PRSS23: variants seen among roughly 807,000 people sequenced by gnomAD.
The protein encoded by PRSS23 is serine protease 23.
PRSS23 carries 25 observed loss-of-function variants against 34.7 expected under a neutral mutation model. The observed-to-expected ratio is 0.72, with a 90% CI of 0.53 to 1.01. The LOEUF is 1.01. Among genes scored for constraint, PRSS23 ranks in the 50% least tolerant of loss-of-function variants. The probability of loss-of-function intolerance (pLI) is 0.00; values close to 1 mark genes in which losing one functional copy is unlikely to be tolerated. For synonymous variants in PRSS23, 176 were observed against 186.6 expected (o/e 0.94, Z 0.46); for missense variants, 445 against 475.6 (o/e 0.94, Z 0.60).
At chr11:86,939,424 AT>A (rs1949189842) in intron 2 of PRSS23, among the ~76,000 whole-genome samples, 1 of 84,002 alleles carries the variant, frequency 1.2e-5, no homozygotes, top group African/African-American at 3.6e-5. Context: ...ATATATATAT[AT>A]ATTTTTTAAC....
At chr11:86,820,033 A>C (rs1203209035) in intron 1 of PRSS23, among the ~76,000 whole-genome samples, 1 of 152,228 alleles carries the variant, frequency 6.6e-6, no homozygotes, top group African/African-American at 2.4e-5. Flanking sequence ...ATGTATAACT[A>C]TTCATCAACA....
At chr11:86,934,503 ATT>A (rs1949148167) in intron 2 of PRSS23, 1 of 151,838 alleles carries the variant, frequency 6.6e-6, no homozygotes, top group African/African-American at 2.4e-5. Context: ...CCACAAAAAC[ATT>A]TGTTTGTCTT....
intron 2 of PRSS23, among the ~76,000 whole-genome samples, chr11:86,927,997 C>T (rs1949092820): frequency 6.6e-6 from 1 of 151,696 alleles, no homozygotes; most frequent in African/African-American, 2.4e-5. Flanking sequence ...TTACAAGCTC[C>T]ATGTCCTTAA....
chr11:86,834,145 C>T (rs957645129), intron 2 of PRSS23, among the ~76,000 whole-genome samples: 1 of 152,190 alleles, frequency 6.6e-6, no homozygotes, highest in African/African-American at 2.4e-5. Flanking sequence ...TTCTTTGGCA[C>T]ACTTCACAGG....
intron 2 of PRSS23, among the ~76,000 whole-genome samples, chr11:86,913,000 G>A (rs922494753): frequency 2.0e-5 from 3 of 152,172 alleles, no homozygotes; most frequent in Admixed American, 1.3e-4. Flanking sequence ...TGAAATCTCT[G>A]TTTAGTTGTT....
intron 2 of PRSS23, among the ~76,000 whole-genome samples, chr11:86,939,426 A>ATATATATATATATATATATTT: frequency 1.1e-5 from 1 of 94,070 alleles, no homozygotes; most frequent in African/African-American, 3.3e-5. Flanking sequence ...ATATATATAT[A>ATATATATATATATATATATTT]TTTTTTAACA....
chr11:86,878,833 G>T (rs546332906), intron 2 of PRSS23, among the ~76,000 whole-genome samples: 2 of 151,680 alleles, frequency 1.3e-5, no homozygotes, highest in South Asian at 4.2e-4. Context: ...CCTCTTCCCT[G>T]CGGCCATCCC....
intron 2 of PRSS23, among the ~76,000 whole-genome samples, chr11:86,941,779 G>T (rs1266790266): frequency 6.6e-6 from 1 of 152,180 alleles, no homozygotes; most frequent in African/African-American, 2.4e-5. Flanking sequence ...TTTCTTGGGG[G>T]CTAGTGCCCT....
At chr11:86,952,546 G>C in exon 3 of PRSS23, 1 of 1,521,678 alleles carries the variant, frequency 6.6e-7, no homozygotes, top group Non-Finnish European at 9.0e-7. Context: ...CCACAAAGCT[G>C]AGTTGAATGC....
Position 86,808,088 on chromosome 11 carries a change from C to G in PRSS23, c.445C>G (p.Pro149Ala). ...IFGKDFLLNY[P>A]FSTSVKLSTG... ...TGGGAAGGACTTCCTGCTCAACTAC[C>G]CTTTCTCAACATCAGTGAAGTTATC... Residue 149 changes from proline to alanine, a missense_variant, in exon 2 of 2, where the codon CCT becomes GCT. Coordinates refer to ENST00000280258, the MANE Select transcript of PRSS23 (RefSeq NM_007173.6). 6.2e-7 allele frequency: 1 copy of G among 1,614,142 alleles called. No homozygotes were observed. The highest frequency in any genetic ancestry group is 8.5e-7 in the Non-Finnish European group (1 of 1,180,020).
At chr11:86,902,820 T>C (rs1948920266) in intron 2 of PRSS23, among the ~76,000 whole-genome samples, 1 of 152,186 alleles carries the variant, frequency 6.6e-6, no homozygotes, top group South Asian at 2.1e-4. Flanking sequence ...ATGTCTTCCC[T>C]TCTTCCCAAG....
intron 2 of PRSS23, among the ~76,000 whole-genome samples, chr11:86,923,065 G>A (rs1488720788): frequency 6.6e-6 from 1 of 151,006 alleles, no homozygotes; most frequent in South Asian, 2.1e-4. Context: ...ATGTTAAAAT[G>A]ATATATCACA....
At position 86,913,454 on chromosome 11, in the gene PRSS23, T is replaced by C. The variant is rs1948991624; in HGVS notation, c.207-37762T>C. Among the ~76,000 whole-genome samples, 4 of 150,814 alleles carry C rather than the reference T, an allele frequency of 2.7e-5. No homozygotes were observed. In the East Asian group the frequency reaches 5.8e-4, roughly 22 times the overall value. On this transcript the variant is annotated intron_variant, in intron 2 of 2. Transcript: ENST00000533902. ...TTTATTTGTGGAAGGGTTGGTCTTA[T>C]AGGAACTATTCTGCCAGTAGCAGAA...
intron 2 of PRSS23, among the ~76,000 whole-genome samples, chr11:86,891,514 C>T (rs1472635919): frequency 6.6e-6 from 1 of 152,170 alleles, no homozygotes; most frequent in Non-Finnish European, 1.5e-5. Flanking sequence ...GATGTGTTCT[C>T]TGAGTTTTGG....
chr11:86,828,268 T>C (rs1948320326), intron 2 of PRSS23, among the ~76,000 whole-genome samples: 1 of 152,228 alleles, frequency 6.6e-6, no homozygotes, highest in African/African-American at 2.4e-5. Flanking sequence ...TTGTCTCTTT[T>C]GATTTTTGTT....
chr11:86,926,411 A>G (rs958775690), intron 2 of PRSS23, among the ~76,000 whole-genome samples: 9 of 152,182 alleles, frequency 5.9e-5, no homozygotes, highest in Admixed American at 1.3e-4. Context: ...ACCCTAAAAA[A>G]AAGTGTGACT....
chr11:86,855,998 T>A (rs4567492), intron 2 of PRSS23, among the ~76,000 whole-genome samples: 53,749 of 152,018 alleles, frequency 0.35, 9,643 homozygotes, highest in East Asian at 0.46. Context: ...ACAAATTTTT[T>A]AAAAATATAT....
chr11:86,830,138 C>T (rs1207100999), intron 2 of PRSS23, among the ~76,000 whole-genome samples: 1 of 152,194 alleles, frequency 6.6e-6, no homozygotes, highest in East Asian at 1.9e-4. Context: ...CTGTGGTGGG[C>T]TCCACCCAGC....
chr11:86,841,917 C>T (rs926729951), intron 2 of PRSS23, among the ~76,000 whole-genome samples: 1 of 152,326 alleles, frequency 6.6e-6, no homozygotes, highest in South Asian at 2.1e-4. Flanking sequence ...AGAGAATCCT[C>T]CCTAACTCAT....
Sources: allele counts gnomAD v4.1 joint callset (sites outside exome capture counted in the v4.1 genomes callset), GRCh38; gene constraint gnomAD v4.1.1; transcripts MANE v1.5; gene names NCBI Gene and HGNC (gene_info 2026-07-23, HGNC 2026-07-21).